The following DOCK9 variants were observed in gnomAD, a reference collection of about 807,000 sequenced individuals.
The protein encoded by DOCK9 is dedicator of cytokinesis 9, also known as dedicator of cytokinesis protein 9.
Under a neutral mutation model 263.3 loss-of-function variants are expected in DOCK9, and 89 were observed. That is an observed-to-expected ratio of 0.34 (90% confidence interval 0.28 to 0.40). The LOEUF is 0.40. Ranked by LOEUF, DOCK9 falls within the 10% of genes least tolerant of loss-of-function variation. The probability of loss-of-function intolerance (pLI) is 1.00; values close to 1 mark genes in which losing one functional copy is unlikely to be tolerated. For missense variants in DOCK9, 2,140 were observed against 2,603.4 expected, an observed-to-expected ratio of 0.82 and a Z score of 3.87; for synonymous variants, 976 against 973.1, an observed-to-expected ratio of 1.00 and a Z score of -0.06.
intron 5 of DOCK9, 86 bp downstream of exon 5, chr13:98,923,216 T>G: frequency 2.2e-6 from 3 of 1,351,326 alleles, no homozygotes; most frequent in Non-Finnish European, 2.1e-6. Flanking sequence ...TAAATGTCGG[T>G]AATTTTCTAA....
chr13:98,820,527 T>G, intron 45 of DOCK9: 1 of 205,980 alleles, frequency 4.9e-6, no homozygotes, highest in Non-Finnish European at 9.9e-6. Context: ...TAAAAAGTGG[T>G]CAAAGTACAG....
At chr13:98,963,683 C>T (rs2058905229) in intron 1 of DOCK9, among the ~76,000 whole-genome samples, 1 of 152,196 alleles carries the variant, frequency 6.6e-6, no homozygotes, top group Non-Finnish European at 1.5e-5. Context: ...TTTAGGACTT[C>T]CTTGATTTAT....
intron 1 of DOCK9, among the ~76,000 whole-genome samples, chr13:99,031,641 G>A (rs1432082581): frequency 1.3e-5 from 2 of 152,124 alleles, no homozygotes; most frequent in African/African-American, 4.8e-5. Context: ...AAACCACAGA[G>A]CCAAAGAGCA....
At chr13:99,080,678 C>G (rs1323445354) in intron 1 of DOCK9, among the ~76,000 whole-genome samples, 1 of 152,190 alleles carries the variant, frequency 6.6e-6, no homozygotes, top group African/African-American at 2.4e-5. Context: ...CTGCATCTTC[C>G]AGGTCCAGTT....
At position 98,846,002 on chromosome 13, in the gene DOCK9, A is replaced by C; in HGVS notation, c.4120T>G (p.Ser1374Ala). 1.2e-6 allele frequency: 2 copies of C among 1,610,076 alleles called. No homozygotes were observed. The highest frequency in any genetic ancestry group is 1.7e-6 in the Non-Finnish European group (2 of 1,178,232). The stretch of plus-strand genomic sequence containing the variant: ...TGCATCATTCCTGTTCTGTTACGGG[A>C]AACAGGCAATGTCTGAGACTTTCGA... The part of the protein sequence containing the change: ...HDRKSQTLPV[S>A]RNRTGMMHAR... Residue 1374 changes from serine to alanine, a missense_variant, in exon 38 of 53, where the codon TCC becomes GCC. By Grantham distance (99) the Ser-to-Ala change is moderately conservative. Transcript: ENST00000682017.
In DOCK9 at chr13:98,880,667, C is replaced by A. The variant is rs61998238; in HGVS notation, c.2751G>T (p.Ala917=). The A allele has an allele frequency of 4.6e-5, 75 of 1,613,130 alleles. No homozygotes were observed. The South Asian group carries it at 7.4e-4, about 16-fold the overall frequency. ...ESHLRSYVKY[A]YKAEPYVASE... is the part of the protein sequence containing the mutation. Reference sequence around the variant, plus strand: ...AGGCAACATATGGCTCAGCCTTATACGCGTACTTTGAAGAAAAGAGAAAGA... The same window carrying A: ...AGGCAACATATGGCTCAGCCTTATAAGCGTACTTTGAAGAAAAGAGAAAGA... The change falls in exon 26 of 53, where the codon GCG becomes GCT. Residue 917 remains alanine, a synonymous_variant. Transcript: ENST00000682017.
At chr13:98,814,978 A>C (rs1756987) in intron 45 of DOCK9, among the ~76,000 whole-genome samples, 15,424 of 97,724 alleles carry the variant, frequency 0.16, 1,350 homozygotes, top group East Asian at 0.43. Context: ...AATAAAATAA[A>C]ATAAAATAAA....
At chr13:99,008,234 A>ATATTTTTTT (rs1233268084) in intron 1 of DOCK9, among the ~76,000 whole-genome samples, 3 of 94,050 alleles carry the variant, frequency 3.2e-5, no homozygotes, top group South Asian at 4.0e-4. Flanking sequence ...ATATATATAT[A>ATATTTTTTT]TTTTTTTTTT....
At chr13:98,807,633 T>A (rs1366210647) in intron 48 of DOCK9, 28 bp downstream of exon 48, 1 of 1,573,270 alleles carries the variant, frequency 6.4e-7, no homozygotes, top group African/African-American at 1.3e-5. Context: ...ATTACATTGC[T>A]ATGAAACTTA....
intron 2 of DOCK9, among the ~76,000 whole-genome samples, chr13:98,940,845 C>T (rs547135305): frequency 6.6e-6 from 1 of 152,266 alleles, no homozygotes; most frequent in South Asian, 2.1e-4. Flanking sequence ...CACCTTCCCT[C>T]CATCATCCCT....
At chr13:98,843,210 T>C (rs1260744759) in intron 38 of DOCK9, among the ~76,000 whole-genome samples, 1 of 152,224 alleles carries the variant, frequency 6.6e-6, no homozygotes, top group Non-Finnish European at 1.5e-5. Context: ...TGGGGTTCCC[T>C]GGCAACTTTC....
intron 3 of DOCK9, among the ~76,000 whole-genome samples, chr13:98,926,335 A>G (rs1162028814): frequency 6.6e-6 from 1 of 152,230 alleles, no homozygotes; most frequent in African/African-American, 2.4e-5. Context: ...TATTAGAACT[A>G]GCTAGCTCTG....
intron 15 of DOCK9, among the ~76,000 whole-genome samples, chr13:98,892,420 G>A (rs1422520881): frequency 6.6e-6 from 1 of 152,022 alleles, no homozygotes; most frequent in East Asian, 1.9e-4. Context: ...GGTATGTTTG[G>A]ACTGCTATTG....
intron 1 of DOCK9, among the ~76,000 whole-genome samples, chr13:98,968,583 G>A (rs568024490): frequency 6.6e-6 from 1 of 152,290 alleles, no homozygotes; most frequent in Admixed American, 6.5e-5. Context: ...TCACTCCACT[G>A]CACTGCAGCC....
chr13:98,983,607 AATTATT>A lies in DOCK9; in HGVS notation c.130-28062_130-28057del, dbSNP rs780091067. On this transcript the variant is annotated intron_variant, in intron 1 of 32. Transcript: ENST00000427887. ...TGATATAAAGTCTCATGCCCTCCTC[AATTATT>A]ATTATTATTATTTTTTTTTTTGAGA... Among the ~76,000 whole-genome samples, 20 of 143,712 alleles carry A rather than the reference AATTATT, an allele frequency of 1.4e-4. 1 individual carries two copies. The highest frequency in any genetic ancestry group is 2.9e-4 in the Non-Finnish European group (19 of 65,380). The allele number at this position is 143,712 out of a possible 152,430, so 94.3% of individuals were successfully genotyped here. A position where few individuals can be genotyped will look rare whatever the true frequency, so the allele number is the denominator to read the frequency against.
chr13:98,888,276 G>A, intron 17 of DOCK9, 53 bp from the exon 18 acceptor site: 1 of 1,602,704 alleles, frequency 6.2e-7, no homozygotes, highest in Non-Finnish European at 8.5e-7. Flanking sequence ...GTCAGACTAT[G>A]TAAGTATTTA....
intron 13 of DOCK9, among the ~76,000 whole-genome samples, chr13:98,899,406 T>G (rs577305018): frequency 6.6e-6 from 1 of 152,324 alleles, no homozygotes; most frequent in African/African-American, 2.4e-5. Flanking sequence ...TAGGCTATAC[T>G]TTTCATGATC....
chr13:98,883,326 C>T (rs1490947425), intron 22 of DOCK9, among the ~76,000 whole-genome samples, 195 bp from the exon 23 acceptor site: 7 of 152,114 alleles, frequency 4.6e-5, no homozygotes, highest in African/African-American at 1.4e-4. Flanking sequence ...TGGCTCACTG[C>T]GGCCTTGACC....
At chr13:99,086,085 C>A (rs1011237811) in intron 1 of DOCK9, 3 of 1,279,992 alleles carry the variant, frequency 2.3e-6, no homozygotes, top group African/African-American at 1.6e-5. Context: ...TCCCGCCGGC[C>A]CCACCTCTTG....
Sources: gnomAD v4.1 joint callset for allele counts (sites outside exome capture counted in the v4.1 genomes callset) on GRCh38, gnomAD v4.1.1 for gene constraint, MANE v1.5 for transcripts, NCBI Gene and HGNC (gene_info 2026-07-23, HGNC 2026-07-21) for gene names.